Variants in ADGRD1 observed in about 807,000 individuals in gnomAD.
ADGRD1 encodes G-protein coupled receptor 133.
In ADGRD1, 77 loss-of-function variants were observed where a neutral mutation model predicts 113.4. The ratio of observed to expected loss-of-function variants is 0.68; its 90% CI spans 0.57 to 0.82. The LOEUF (loss-of-function observed/expected upper bound fraction) is 0.82, where lower values mean the gene tolerates loss of function less well. ADGRD1 is among the 40% of genes least tolerant of loss of function. The probability of loss-of-function intolerance (pLI) is 0.00; values close to 1 mark genes in which losing one functional copy is unlikely to be tolerated. For missense variants in ADGRD1, 1,036 were observed against 1,139.1 expected (o/e 0.91, Z 1.30); for synonymous variants, 474 against 475.0 (o/e 1.00, Z 0.03).
chr12:131,000,747 CAA>C (rs371823726), intron 9 of ADGRD1, among the ~76,000 whole-genome samples: 5 of 112,638 alleles, frequency 4.4e-5, no homozygotes, highest in African/African-American at 9.8e-5. Flanking sequence ...TCTCAAAAAA[CAA>C]AAAAAAAAAA....
intron 14 of ADGRD1, among the ~76,000 whole-genome samples, chr12:131,077,509 A>G (rs1420653877): frequency 6.6e-6 from 1 of 152,026 alleles, no homozygotes; most frequent in Non-Finnish European, 1.5e-5. Context: ...ATCTCCCACC[A>G]TCGCTGTGAT....
At position 131,139,938 on chromosome 12, in the gene ADGRD1, GC is replaced by G. The variant is rs1327465355; in HGVS notation, c.*678del. 1 of 152,504 alleles carries G rather than the reference GC, an allele frequency of 6.6e-6. No homozygotes were observed. Among genetic ancestry groups the G allele is most frequent in the African/African-American group, 2.4e-5 (1 of 41,478 alleles). 9.4% of individuals were successfully genotyped at this position (152,504 alleles called of 1,614,324 possible). On this transcript the variant is annotated 3_prime_UTR_variant, in exon 25 of 25. Transcript: ENST00000261654. ...CTCTCCAGGTGAGGGCGACCCCTCT[GC>G]CCTGTCCTTGGGGGGGTCCCCTCTG...
chr12:131,101,089 C>T (rs567478618), intron 15 of ADGRD1, among the ~76,000 whole-genome samples: 2 of 152,254 alleles, frequency 1.3e-5, no homozygotes, highest in East Asian at 3.9e-4. Flanking sequence ...TTCCCGTGTC[C>T]CTGGGGGAGA....
intron 13 of ADGRD1, among the ~76,000 whole-genome samples, chr12:131,038,727 G>T (rs1170969702): frequency 2.0e-5 from 3 of 152,212 alleles, no homozygotes; most frequent in Non-Finnish European, 4.4e-5. Flanking sequence ...CAGGTGAGGG[G>T]GACGGCAGTG....
chr12:131,068,997 C>T (rs932518386), intron 13 of ADGRD1, among the ~76,000 whole-genome samples: 9 of 152,232 alleles, frequency 5.9e-5, no homozygotes, highest in Non-Finnish European at 1.3e-4. Flanking sequence ...ATTTTCTGTT[C>T]TGCCTCTTTC....
At chr12:131,001,368 A>G (rs1380736456) in intron 9 of ADGRD1, among the ~76,000 whole-genome samples, 1 of 152,268 alleles carries the variant, frequency 6.6e-6, no homozygotes, top group East Asian at 1.9e-4. Flanking sequence ...AAAAAACAAA[A>G]TAAAAATCAC....
At chr12:131,076,263 T>C (rs1885599058) in intron 13 of ADGRD1, among the ~76,000 whole-genome samples, 1 of 152,116 alleles carries the variant, frequency 6.6e-6, no homozygotes. Context: ...GTAGTGGATA[T>C]TGTAGAGGGG....
At chr12:131,037,472 C>T (rs1326266933) in intron 13 of ADGRD1, among the ~76,000 whole-genome samples, 8 of 142,722 alleles carry the variant, frequency 5.6e-5, no homozygotes, top group East Asian at 2.1e-4. Flanking sequence ...CTCACTGCAC[C>T]GGGCCTCACT....
At chr12:130,973,021 TC>T (rs1216040446) in intron 4 of ADGRD1, 1 of 152,122 alleles carries the variant, frequency 6.6e-6, no homozygotes, top group Non-Finnish European at 1.5e-5. Flanking sequence ...TGGACGGGCA[TC>T]GGGTTAAAAT....
intron 13 of ADGRD1, chr12:131,030,915 T>G (rs1880647605): frequency 6.6e-6 from 1 of 152,094 alleles, no homozygotes. Context: ...TGTTCTGGGG[T>G]CGCCTTGGTT....
intron 12 of ADGRD1, among the ~76,000 whole-genome samples, chr12:131,011,496 G>A (rs934477937): frequency 2.0e-5 from 3 of 152,132 alleles, no homozygotes; most frequent in African/African-American, 7.2e-5. Flanking sequence ...TCACGTGTGT[G>A]CTGAGCACCC....
chr12:131,114,928 G>A (rs1872406476), intron 18 of ADGRD1, among the ~76,000 whole-genome samples: 1 of 152,176 alleles, frequency 6.6e-6, no homozygotes, highest in Admixed American at 6.5e-5. Context: ...AAACTCAGAG[G>A]TGAAGAGAAT....
intron 9 of ADGRD1, 137 bp downstream of exon 9, chr12:131,000,579 A>G: frequency 3.5e-6 from 2 of 579,312 alleles, no homozygotes; most frequent in East Asian, 3.4e-5. Context: ...CATCTCTACT[A>G]AAAATACAAA....
chr12:131,043,676 C>G (rs559580463), intron 13 of ADGRD1, among the ~76,000 whole-genome samples: 2 of 152,240 alleles, frequency 1.3e-5, no homozygotes, highest in African/African-American at 4.8e-5. Context: ...GAGGGCCCTG[C>G]GCACGCACAC....
Position 131,096,028 on chromosome 12 carries a change from G to A in ADGRD1, c.1672-8803G>A. On this transcript the variant is annotated intron_variant, in intron 15 of 24. Transcript: ENST00000261654. This position sits in a 1 kb window ranked among gnomAD's most constrained non-coding sequence, Gnocchi z 5.2. ...GCCCTGCCCAGAGCAGCGGCTTAGG[G>A]TCACGGCCACCATTCCTGCCTCCCG... Among the ~76,000 whole-genome samples the A allele has an allele frequency of 1.1e-5, 1 of 88,542 alleles. No homozygotes were observed. Among genetic ancestry groups the A allele is most frequent in the East Asian group, 2.6e-3 (1 of 386 alleles). 58.1% of individuals were successfully genotyped at this position (88,542 alleles called of 152,430 possible). A position where few individuals can be genotyped will look rare whatever the true frequency, so the allele number is the denominator to read the frequency against.
intron 15 of ADGRD1, among the ~76,000 whole-genome samples, chr12:131,104,150 C>T (rs890104346): frequency 6.6e-5 from 10 of 152,330 alleles, no homozygotes; most frequent in African/African-American, 1.9e-4. Context: ...CGATCACCAC[C>T]GTGTCCATTT....
At chr12:131,037,906 C>T (rs34334469) in intron 13 of ADGRD1, among the ~76,000 whole-genome samples, 15,985 of 141,808 alleles carry the variant, frequency 0.11, 1,201 homozygotes, top group Middle Eastern at 0.18. Flanking sequence ...CTCACCACAC[C>T]GGGTCTCACT....
chr12:131,005,834 G>T, intron 11 of ADGRD1, 138 bp from the exon 12 acceptor site: 1 of 689,914 alleles, frequency 1.4e-6, no homozygotes, highest in Non-Finnish European at 2.6e-6. Flanking sequence ...TTCTGCCCGA[G>T]TGTCCTTCAC....
rs1247266715 is a variant in ADGRD1, at chr12:131,003,838, C to G, written c.1145-348C>G. Among the ~76,000 whole-genome samples the G allele has an allele frequency of 6.6e-6, 1 of 152,156 alleles. No homozygotes were observed. The highest frequency in any genetic ancestry group is 1.5e-5 in the Non-Finnish European group (1 of 68,022). On this transcript the variant is annotated intron_variant, in intron 10 of 24. Coordinates refer to ENST00000261654, the MANE Select transcript of ADGRD1 (RefSeq NM_198827.5). The surrounding 1 kb of genome is among the most constrained non-coding windows in gnomAD (Gnocchi z 4.8). ...CAGTTTGTTGGCCGTGTTGCCCTCGCCTGCTGCGCTTGGGGAGGAGCCGAT... is the reference window on the plus strand; with the variant it reads ...CAGTTTGTTGGCCGTGTTGCCCTCGGCTGCTGCGCTTGGGGAGGAGCCGAT...
Sources: allele counts gnomAD v4.1 joint callset (sites outside exome capture counted in the v4.1 genomes callset), GRCh38; gene constraint gnomAD v4.1.1; non-coding constraint Gnocchi (gnomAD v3.1); transcripts MANE v1.5; gene names NCBI Gene and HGNC (gene_info 2026-07-23, HGNC 2026-07-21).